The following TENM2 variants were observed in gnomAD, a reference collection of about 807,000 sequenced individuals.
TENM2 encodes the protein teneurin-2.
Under a neutral mutation model 245.2 loss-of-function variants are expected in TENM2, and 52 were observed. That is an observed-to-expected ratio of 0.21 (90% CI 0.17 to 0.27). The LOEUF is 0.27. Among genes scored for constraint, TENM2 ranks in the 10% least tolerant of loss-of-function variants. TENM2 has a pLI of 1.00. For synonymous variants in TENM2, 1,363 were observed against 1,438.9 expected (o/e 0.95, Z 1.19); for missense variants, 3,046 against 3,666.8 (o/e 0.83, Z 4.37).
At chr5:167,589,894 G>T (rs1440990186) in intron 2 of TENM2, among the ~76,000 whole-genome samples, 2 of 151,232 alleles carry the variant, frequency 1.3e-5, no homozygotes, top group African/African-American at 4.8e-5. Context: ...TTATTTAAAA[G>T]AATTTGGAAA....
chr5:167,445,334 TATAG>T (rs1445494235), intron 2 of TENM2, among the ~76,000 whole-genome samples: 15 of 86,328 alleles, frequency 1.7e-4, no homozygotes, highest in African/African-American at 4.2e-4. Context: ...TATATATATA[TATAG>T]AGAGAGAGAG....
At chr5:168,084,600 A>G (rs777228516) in intron 7 of TENM2, among the ~76,000 whole-genome samples, 1 of 152,246 alleles carries the variant, frequency 6.6e-6, no homozygotes, top group African/African-American at 2.4e-5. Flanking sequence ...ATCAGGAGAA[A>G]GAATAGGCCA....
At chr5:167,154,613 A>T in the TENM2 span, among the ~76,000 whole-genome samples, 1 of 152,226 alleles carries the variant, frequency 6.6e-6, no homozygotes, top group Non-Finnish European at 1.5e-5. Context: ...GACAAACTGA[A>T]ATTGGGAATT....
chr5:168,103,592 G>T (rs1329752206), intron 9 of TENM2, among the ~76,000 whole-genome samples: 1 of 152,010 alleles, frequency 6.6e-6, no homozygotes, highest in African/African-American at 2.4e-5. Context: ...TCCGGTGATT[G>T]GATTGACGTT....
intron 2 of TENM2, among the ~76,000 whole-genome samples, chr5:167,645,631 T>C (rs1779879233): frequency 6.6e-6 from 1 of 150,612 alleles, no homozygotes; most frequent in Non-Finnish European, 1.5e-5. Flanking sequence ...TAAAGGGAAA[T>C]AGACAACAGC....
chr5:167,221,556 T>A, the TENM2 span, among the ~76,000 whole-genome samples: 3 of 152,194 alleles, frequency 2.0e-5, no homozygotes, highest in Admixed American at 1.3e-4. Flanking sequence ...GTAGTGATAT[T>A]TTTAAGGAAT....
At chr5:167,489,330 T>C (rs191049143) in intron 2 of TENM2, among the ~76,000 whole-genome samples, 3 of 152,278 alleles carry the variant, frequency 2.0e-5, no homozygotes, top group Admixed American at 1.3e-4. Flanking sequence ...TGTAGTATAC[T>C]GGCCCCCTTG....
intron 2 of TENM2, among the ~76,000 whole-genome samples, chr5:167,751,886 C>G (rs1761979595): frequency 6.6e-6 from 1 of 151,804 alleles, no homozygotes; most frequent in Non-Finnish European, 1.5e-5. Flanking sequence ...TCTGTCAGTC[C>G]ATAAAGCCAG....
intron 1 of TENM2, among the ~76,000 whole-genome samples, chr5:167,326,545 C>T (rs191789486): frequency 1.6e-3 from 240 of 151,762 alleles, no homozygotes; most frequent in Non-Finnish European, 2.8e-3. Flanking sequence ...TGGTGGTGCA[C>T]GCGTGTAGTC....
chr5:167,889,529 C>G (rs1024107480), intron 3 of TENM2, among the ~76,000 whole-genome samples: 2 of 152,068 alleles, frequency 1.3e-5, no homozygotes, highest in East Asian at 3.9e-4. Context: ...CCCTGGGGAG[C>G]CTGACCATTA....
rs116282278 is a variant in TENM2 at position 168,253,721 on chromosome 5, G to A, written c.7432+5350G>A. Among the ~76,000 whole-genome samples, 929 of 152,276 alleles carry A rather than the reference G, an allele frequency of 6.1e-3. 10 individuals are homozygous for A. The highest frequency in any genetic ancestry group is 0.021 in the African/African-American group (890 of 41,546). On this transcript the variant is annotated intron_variant, in intron 27 of 28. Transcript: ENST00000518659. ...ATTACAGGCGTGAGCCACCGCGCCT[G>A]GCTACGCACTCATTATTTATAAGCA...
Position 168,244,773 on chromosome 5 carries a change from CTTCT to C in TENM2, c.5817+60_5817+63del. 1 of 1,337,492 alleles carries C rather than the reference CTTCT, an allele frequency of 7.5e-7. No individual in the cohort carries two copies. Among genetic ancestry groups the C allele is most frequent in the Non-Finnish European group, 9.7e-7 (1 of 1,028,776 alleles). The allele number at this position is 1,337,492 out of a possible 1,614,324, so 82.9% of individuals were successfully genotyped here. A position where few individuals can be genotyped will look rare whatever the true frequency, so the allele number is the denominator to read the frequency against. On this transcript the variant is annotated intron_variant, in intron 26 of 28. Coordinates refer to ENST00000518659, the Ensembl canonical transcript of TENM2. The surrounding 1 kb of genome is among the most constrained non-coding windows in gnomAD (Gnocchi z 4.9). ...CTTTCTGTTATTTCTGTTATTCCGG[CTTCT>C]TTTTTTTTTTGAGACAGAGACTTGC...
chr5:167,013,106 T>G, the TENM2 span, among the ~76,000 whole-genome samples: 1 of 152,194 alleles, frequency 6.6e-6, no homozygotes, highest in African/African-American at 2.4e-5. Context: ...TGGAAAGTCT[T>G]ATTTGAGGGA....
chr5:167,610,102 AAT>A (rs1246622901), intron 2 of TENM2, among the ~76,000 whole-genome samples: 1 of 152,086 alleles, frequency 6.6e-6, no homozygotes, highest in African/African-American at 2.4e-5. Context: ...GAAACACTTT[AAT>A]TACATTTACC....
chr5:167,229,749 GGT>G, the TENM2 span, among the ~76,000 whole-genome samples: 1 of 152,160 alleles, frequency 6.6e-6, no homozygotes, highest in Non-Finnish European at 1.5e-5. Context: ...GTTCACTGGT[GGT>G]GTGTATAGAT....
the TENM2 span, among the ~76,000 whole-genome samples, chr5:167,244,845 G>C: frequency 6.6e-6 from 1 of 152,074 alleles, no homozygotes; most frequent in Non-Finnish European, 1.5e-5. Flanking sequence ...TAAATGAGCT[G>C]TGTTTGTGTG....
chr5:168,085,270 G>A (rs1792350119), intron 7 of TENM2: 1 of 152,206 alleles, frequency 6.6e-6, no homozygotes, highest in African/African-American at 2.4e-5. Flanking sequence ...GACATGTAAT[G>A]AAAGAATCAA....
chr5:167,108,146 G>A, the TENM2 span, among the ~76,000 whole-genome samples: 4 of 151,946 alleles, frequency 2.6e-5, no homozygotes, highest in Admixed American at 2.6e-4. Flanking sequence ...GTTTTATTGA[G>A]ACAGAGTCTC....
Position 167,556,083 on chromosome 5 carries a change from A to G in TENM2, c.502+180610A>G, listed in dbSNP as rs191607989. 8.5e-5 allele frequency among the ~76,000 whole-genome samples: 13 copies of G among 152,216 alleles called. No homozygotes were observed. The South Asian group carries it at 1.0e-3, about 12-fold the overall frequency. ...AATATTTTCCCTTTCTCCTGTCTCCATGTCTTAGACTTTGAGTCATTTTGC... is the reference window on the plus strand; with the variant it reads ...AATATTTTCCCTTTCTCCTGTCTCCGTGTCTTAGACTTTGAGTCATTTTGC... On this transcript the variant is annotated intron_variant, in intron 2 of 28. Coordinates refer to ENST00000518659, the Ensembl canonical transcript of TENM2.
Sources: allele counts gnomAD v4.1 joint callset (sites outside exome capture counted in the v4.1 genomes callset), GRCh38; gene constraint gnomAD v4.1.1; non-coding constraint Gnocchi (gnomAD v3.1); transcripts MANE v1.5; gene names NCBI Gene and HGNC (gene_info 2026-07-23, HGNC 2026-07-21).